Variants in PIP5K1C observed in about 807,000 individuals in gnomAD.
PIP5K1C encodes phosphatidylinositol 4-phosphate 5-kinase type-1 gamma.
Under a neutral mutation model 80.1 loss-of-function variants are expected in PIP5K1C, and 45 were observed. That is an observed-to-expected ratio of 0.56 (90% CI 0.44 to 0.72). PIP5K1C has a LOEUF of 0.72. Ranked by LOEUF, PIP5K1C falls within the 30% of genes least tolerant of loss-of-function variation. PIP5K1C has a pLI of 0.00. For missense variants in PIP5K1C, 753 were observed against 954.6 expected, an observed-to-expected ratio of 0.79 and a Z score of 2.78; for synonymous variants, 498 against 420.1, an observed-to-expected ratio of 1.19 and a Z score of -2.27.
At chr19:3,667,278 T>G in intron 2 of PIP5K1C, 44 bp downstream of exon 2, 1 of 1,576,506 alleles carries the variant, frequency 6.3e-7, no homozygotes, top group Non-Finnish European at 8.7e-7. Flanking sequence ...AGGCAGCAGG[T>G]CAGGGTGGGG....
chr19:3,686,616 G>A (rs1246220170), intron 1 of PIP5K1C, among the ~76,000 whole-genome samples: 2 of 151,834 alleles, frequency 1.3e-5, no homozygotes, highest in Non-Finnish European at 2.9e-5. Flanking sequence ...TACTCAGGAG[G>A]CTGAGGCAGG....
chr19:3,691,385 T>C (rs896982157), intron 1 of PIP5K1C, among the ~76,000 whole-genome samples: 6 of 152,136 alleles, frequency 3.9e-5, no homozygotes, highest in Non-Finnish European at 7.4e-5. Flanking sequence ...TCCTAAACGT[T>C]GCAAACGGCC....
At chr19:3,661,794 G>A (rs906629460) in intron 4 of PIP5K1C, 77 bp downstream of exon 4, 24 of 1,565,300 alleles carry the variant, frequency 1.5e-5, no homozygotes, top group Non-Finnish European at 2.0e-5. Context: ...GCAGAGAAGG[G>A]CGCTCAGGAC....
intron 1 of PIP5K1C, among the ~76,000 whole-genome samples, chr19:3,698,212 A>G (rs1009255754): frequency 6.6e-6 from 1 of 152,220 alleles, no homozygotes; most frequent in African/African-American, 2.4e-5. Flanking sequence ...GAGGCCGGAA[A>G]GGGGTGGCCA....
At position 3,637,179 on chromosome 19, in the gene PIP5K1C, C is replaced by T. The variant is rs1050683740; in HGVS notation, c.1920+1705G>A. The stretch of plus-strand genomic sequence containing the variant: ...CAGCCAGGTCTGCACGAGTGAGAAG[C>T]GTCCACCCAAGACACCCTGACACGA... On this transcript the variant is annotated intron_variant, in intron 16 of 17. Coordinates refer to ENST00000335312, the MANE Select transcript of PIP5K1C (RefSeq NM_012398.3). This position sits in a 1 kb window ranked among gnomAD's most constrained non-coding sequence, Gnocchi z 7.0. The T allele has an allele frequency of 1.1e-5, 15 of 1,424,560 alleles. No homozygotes were observed. The Admixed American group carries it at 1.2e-4, about 11-fold the overall frequency. 88.2% of individuals were successfully genotyped at this position (1,424,560 alleles called of 1,614,324 possible). A position where few individuals can be genotyped will look rare whatever the true frequency, so the allele number is the denominator to read the frequency against.
At chr19:3,683,890 C>CGCTGG in intron 1 of PIP5K1C, among the ~76,000 whole-genome samples, 1 of 142,750 alleles carries the variant, frequency 7.0e-6, no homozygotes, top group South Asian at 2.3e-4. Flanking sequence ...ACCTCCCCCA[C>CGCTGG]ACTGGAGCCC....
In PIP5K1C at chr19:3,633,135, A is replaced by G; in HGVS notation, c.*32T>C. 2.6e-6 allele frequency: 2 copies of G among 758,362 alleles called. No individual in the cohort carries two copies. Among genetic ancestry groups the G allele is most frequent in the Non-Finnish European group, 4.9e-6 (2 of 408,114 alleles). The allele number at this position is 758,362 out of a possible 1,614,324, so 47.0% of individuals were successfully genotyped here. ...TCGGGGGCAGCCGGAGCAGAAGTGG[A>G]GCTCGGCTCTGGGTCGGGGGCTGCA... On this transcript the variant is annotated 3_prime_UTR_variant, in exon 18 of 18. Coordinates refer to ENST00000335312, the MANE Select transcript of PIP5K1C (RefSeq NM_012398.3).
chr19:3,667,475 G>C (rs933268793), intron 1 of PIP5K1C, 122 bp from the exon 2 acceptor site: 4 of 1,039,588 alleles, frequency 3.8e-6, no homozygotes, highest in Non-Finnish European at 4.5e-6. Context: ...CGTGGGGCTG[G>C]TCTCAAGGCT....
At chr19:3,684,835 CAGG>C (rs1466907765) in intron 1 of PIP5K1C, among the ~76,000 whole-genome samples, 4 of 152,162 alleles carry the variant, frequency 2.6e-5, no homozygotes, top group African/African-American at 4.8e-5. Flanking sequence ...TGTGACCCAC[CAGG>C]AGAACTCAAG....
chr19:3,639,486 C>T (rs1057488203), intron 15 of PIP5K1C, among the ~76,000 whole-genome samples: 1 of 152,218 alleles, frequency 6.6e-6, no homozygotes, highest in Non-Finnish European at 1.5e-5. Context: ...GGCTGGCGTG[C>T]AGTGCTGTCA....
chr19:3,690,216 G>T (rs978698006), intron 1 of PIP5K1C, among the ~76,000 whole-genome samples: 1 of 151,982 alleles, frequency 6.6e-6, no homozygotes, highest in African/African-American at 2.4e-5. Context: ...CCAGAAATAG[G>T]CTGGGCGCAC....
At chr19:3,678,752 AGGGATGGC>A (rs1392372791) in intron 1 of PIP5K1C, among the ~76,000 whole-genome samples, 26 of 99,974 alleles carry the variant, frequency 2.6e-4, no homozygotes, top group African/African-American at 9.2e-4. Context: ...GGAGGGACAG[AGGGATGGC>A]GGGATGGCAG....
chr19:3,638,847 T>G (rs1271370484), intron 16 of PIP5K1C, 37 bp downstream of exon 16: 1 of 1,612,040 alleles, frequency 6.2e-7, no homozygotes, highest in South Asian at 1.1e-5. Flanking sequence ...AGAGTCCGGT[T>G]GACGAGCCGG....
chr19:3,641,812 G>A lies in PIP5K1C; in HGVS notation c.1683-3C>T, dbSNP rs1215566803. On this transcript the variant is annotated splice_region_variant and splice_polypyrimidine_tract_variant and intron_variant, in intron 14 of 17. Coordinates refer to ENST00000335312, the MANE Select transcript of PIP5K1C (RefSeq NM_012398.3). ...CCGCGGGTGGCTCCTCCTGCGGCCT[G>A]CAGGCAATGGGAGGTTGTGCCTCGG... The A allele has an allele frequency of 1.9e-6, 3 of 1,609,148 alleles. No homozygotes were observed. In the African/African-American group the frequency reaches 4.0e-5, roughly 21 times the overall value.
intron 1 of PIP5K1C, among the ~76,000 whole-genome samples, chr19:3,676,993 T>C (rs1600060463): frequency 1.3e-5 from 2 of 152,118 alleles, no homozygotes; most frequent in East Asian, 3.9e-4. Flanking sequence ...TTCTAGCTAC[T>C]TGGGAGGCTG....
At chr19:3,638,585 G>A (rs2033807224) in intron 16 of PIP5K1C, among the ~76,000 whole-genome samples, 1 of 152,234 alleles carries the variant, frequency 6.6e-6, no homozygotes, top group Non-Finnish European at 1.5e-5. Flanking sequence ...AAGGTGCCGT[G>A]GGCACAAGGC....
intron 9 of PIP5K1C, among the ~76,000 whole-genome samples, chr19:3,647,617 T>C (rs1208536498): frequency 1.3e-5 from 2 of 152,092 alleles, no homozygotes; most frequent in Admixed American, 6.5e-5. Flanking sequence ...CTGGTCCCAA[T>C]GTCCATAGTA....
At chr19:3,683,962 G>A (rs865947202) in intron 1 of PIP5K1C, among the ~76,000 whole-genome samples, 10 of 68,654 alleles carry the variant, frequency 1.5e-4, no homozygotes, top group Middle Eastern at 7.8e-3. Flanking sequence ...TTCCTCTCCC[G>A]GGCAGTCCCA....
Position 3,664,922 on chromosome 19 carries a change from G to A in PIP5K1C, c.127-8C>T, listed in dbSNP as rs769531073. 1.9e-6 allele frequency: 3 copies of A among 1,609,068 alleles called. No homozygotes were observed. Among genetic ancestry groups the A allele is most frequent in the East Asian group, 2.2e-5 (1 of 44,852 alleles). ...TGCCGTCATGGACAGAACCTGGGAAGAGGAAGCAGGAAGCGTTAACTCCCT... is the reference window on the plus strand; with the variant it reads ...TGCCGTCATGGACAGAACCTGGGAAAAGGAAGCAGGAAGCGTTAACTCCCT... On this transcript the variant is annotated splice_region_variant and splice_polypyrimidine_tract_variant and intron_variant, in intron 2 of 17. Coordinates refer to ENST00000335312, the MANE Select transcript of PIP5K1C (RefSeq NM_012398.3).
Sources: gnomAD v4.1 joint callset for allele counts (sites outside exome capture counted in the v4.1 genomes callset) on GRCh38, gnomAD v4.1.1 for gene constraint, Gnocchi (gnomAD v3.1) non-coding constraint, MANE v1.5 for transcripts, NCBI Gene and HGNC (gene_info 2026-07-23, HGNC 2026-07-21) for gene names.